Variants in CA10 observed in about 807,000 individuals in gnomAD.
CA10 encodes the protein carbonic anhydrase 10 (inactive), also known as carbonic anhydrase-related protein 10.
Under a neutral mutation model 44.2 loss-of-function variants are expected in CA10, and 14 were observed. The observed-to-expected ratio is 0.32, with a 90% CI of 0.21 to 0.50. The LOEUF (loss-of-function observed/expected upper bound fraction) is 0.50, where lower values mean the gene tolerates loss of function less well. Ranked by LOEUF, CA10 falls within the 20% of genes least tolerant of loss-of-function variation. The pLI is 0.99. For synonymous variants in CA10, 159 were observed against 141.6 expected (o/e 1.12, Z -0.87); for missense variants, 350 against 409.7 (o/e 0.85, Z 1.26).
chr17:51,889,731 A>AT (rs1980773790), intron 3 of CA10, among the ~76,000 whole-genome samples: 1 of 152,202 alleles, frequency 6.6e-6, no homozygotes, highest in Non-Finnish European at 1.5e-5. Context: ...TGTCAGATCA[A>AT]TAGTAGCATC....
At chr17:52,007,856 G>C (rs1474289772) in intron 2 of CA10, among the ~76,000 whole-genome samples, 1 of 151,398 alleles carries the variant, frequency 6.6e-6, no homozygotes, top group Non-Finnish European at 1.5e-5. Flanking sequence ...AGTTTTCTAA[G>C]AAAGACATTT....
chr17:52,000,453 T>G (rs1298464889), intron 2 of CA10, among the ~76,000 whole-genome samples: 1 of 152,128 alleles, frequency 6.6e-6, no homozygotes, highest in Non-Finnish European at 1.5e-5. Context: ...GACCTCAAGA[T>G]GAAGCTAGGC....
chr17:51,929,764 A>G (rs2143991053), intron 3 of CA10, among the ~76,000 whole-genome samples: 1 of 150,524 alleles, frequency 6.6e-6, no homozygotes, highest in Non-Finnish European at 1.5e-5. Context: ...CAGAATTTAT[A>G]AAAATAAAAC....
At chr17:51,873,109 G>T (rs1006920305) in intron 3 of CA10, among the ~76,000 whole-genome samples, 1 of 152,176 alleles carries the variant, frequency 6.6e-6, no homozygotes, top group African/African-American at 2.4e-5. Context: ...GGGATTTGAG[G>T]GAAGTTATTT....
intron 6 of CA10, 138 bp downstream of exon 6, chr17:51,649,044 C>T: frequency 1.6e-6 from 1 of 629,222 alleles, no homozygotes; most frequent in Non-Finnish European, 2.8e-6. Context: ...ACCCTAATCT[C>T]CAGAGTGACT....
chr17:52,110,330 C>T (rs888298789), intron 1 of CA10, among the ~76,000 whole-genome samples: 1 of 152,192 alleles, frequency 6.6e-6, no homozygotes, highest in African/African-American at 2.4e-5. Context: ...AAAATGAGTC[C>T]TCTGGAGTCT....
rs539568040 is a variant in CA10 at position 51,747,818 on chromosome 17, C to A, written c.280G>T (p.Val94Phe). The A allele has an allele frequency of 2.5e-6, 4 of 1,605,826 alleles. No homozygotes were observed. The South Asian group carries it at 3.4e-5, about 13-fold the overall frequency. ...PLRINTGGRK[V>F]SGTMYNTGRH... ...CCAGTGTTGTACATGGTCCCACTGA[C>A]CTGCAAGGCAATTAGCAACAGGTCA... Residue 94 changes from valine to phenylalanine, a missense_variant and splice_region_variant, in exon 4 of 9, where the codon GTC becomes TTC. Val to Phe is a conservative substitution (Grantham distance 50). Transcript: ENST00000451037.
At chr17:52,134,264 C>T (rs1023750441) in intron 1 of CA10, among the ~76,000 whole-genome samples, 9 of 152,190 alleles carry the variant, frequency 5.9e-5, no homozygotes, top group African/African-American at 2.2e-4. Context: ...AACCTCCCAT[C>T]AGCTTCTTTG....
intron 1 of CA10, among the ~76,000 whole-genome samples, chr17:52,120,783 C>T (rs542406407): frequency 6.4e-4 from 98 of 152,188 alleles, no homozygotes; most frequent in African/African-American, 2.3e-3. Flanking sequence ...TGTGTGGTAG[C>T]CTGGTATTCG....
At chr17:51,699,117 T>G (rs1915499610) in intron 4 of CA10, among the ~76,000 whole-genome samples, 1 of 152,058 alleles carries the variant, frequency 6.6e-6, no homozygotes, top group Non-Finnish European at 1.5e-5. Context: ...GGTCAGGTGT[T>G]TGAGACCAGC....
intron 4 of CA10, among the ~76,000 whole-genome samples, chr17:51,743,589 C>T (rs544686887): frequency 2.0e-5 from 3 of 152,274 alleles, no homozygotes; most frequent in South Asian, 4.1e-4. Flanking sequence ...CAAATGATTA[C>T]CATCAATTAC....
intron 3 of CA10, among the ~76,000 whole-genome samples, chr17:51,827,119 C>G (rs947723396): frequency 7.9e-5 from 12 of 152,152 alleles, no homozygotes; most frequent in African/African-American, 2.9e-4. Context: ...ACTCAAAGCT[C>G]TCACCGTTTT....
At chr17:51,931,767 T>C (rs1189271779) in intron 2 of CA10, among the ~76,000 whole-genome samples, 5 of 152,114 alleles carry the variant, frequency 3.3e-5, no homozygotes, top group Non-Finnish European at 7.4e-5. Context: ...AAAAATGACA[T>C]TAAGAGCTGA....
intron 2 of CA10, among the ~76,000 whole-genome samples, chr17:52,063,950 A>G (rs140878723): frequency 2.0e-5 from 3 of 152,366 alleles, no homozygotes; most frequent in Non-Finnish European, 4.4e-5. Flanking sequence ...CATTTCTGGC[A>G]AAGATGAACA....
chr17:52,137,141 C>T lies in CA10; in HGVS notation c.61+20585G>A, dbSNP rs148373421. Among the ~76,000 whole-genome samples, 822 of 151,238 alleles carry T rather than the reference C, an allele frequency of 5.4e-3. 10 individuals carry two copies. The highest frequency in any genetic ancestry group is 0.019 in the African/African-American group (789 of 41,190). On this transcript the variant is annotated intron_variant, in intron 1 of 8. Transcript: ENST00000451037. ...TGAGTCCCTAGGCCAGAGCTTGGCA[C>T]ACAGGGAGGTAGGGTGGCAAAAGTG...
At chr17:51,850,876 A>C (rs141887054) in intron 3 of CA10, among the ~76,000 whole-genome samples, 1 of 152,234 alleles carries the variant, frequency 6.6e-6, no homozygotes, top group African/African-American at 2.4e-5. Flanking sequence ...TTATTTGTGC[A>C]GAAGAGTGAA....
At chr17:51,841,455 T>A (rs183905476) in intron 3 of CA10, among the ~76,000 whole-genome samples, 21 of 152,368 alleles carry the variant, frequency 1.4e-4, no homozygotes, top group South Asian at 4.1e-4. Flanking sequence ...TGGCAGTGTT[T>A]CTGGTGCACA....
At chr17:51,791,044 A>C (rs1906500014) in intron 3 of CA10, among the ~76,000 whole-genome samples, 1 of 152,218 alleles carries the variant, frequency 6.6e-6, no homozygotes, top group Non-Finnish European at 1.5e-5. Context: ...GACTTGATTT[A>C]GCCTTAGTTT....
chr17:51,717,741 A>ATCTG (rs1916186837), intron 4 of CA10, among the ~76,000 whole-genome samples: 1 of 34,320 alleles, frequency 2.9e-5, no homozygotes, highest in Non-Finnish European at 6.7e-5. Flanking sequence ...ATATACGTAT[A>ATCTG]TATACATGTA....
Sources: allele counts gnomAD v4.1 joint callset (sites outside exome capture counted in the v4.1 genomes callset), GRCh38; gene constraint gnomAD v4.1.1; transcripts MANE v1.5; gene names NCBI Gene and HGNC (gene_info 2026-07-23, HGNC 2026-07-21).